Variants in CCDC148 observed in about 807,000 individuals in gnomAD.
CCDC148 encodes the protein coiled-coil domain containing 148, also known as coiled-coil domain-containing protein 148.
A neutral mutation model predicts 85.7 loss-of-function variants in CCDC148; 89 were observed. That is an observed-to-expected ratio of 1.04 (90% CI 0.87 to 1.24). The LOEUF (loss-of-function observed/expected upper bound fraction) is 1.24, where lower values mean the gene tolerates loss of function less well. Ranked by LOEUF, CCDC148 falls within the 50% of genes most tolerant of loss-of-function variation. The pLI is 0.00. For synonymous variants in CCDC148, 230 were observed against 213.9 expected (o/e 1.08, Z -0.66); for missense variants, 692 against 671.7 (o/e 1.03, Z -0.33).
At chr2:158,375,463 G>A (rs559256667) in intron 1 of CCDC148, among the ~76,000 whole-genome samples, 64 of 152,174 alleles carry the variant, frequency 4.2e-4, no homozygotes, top group Non-Finnish European at 6.3e-4. Context: ...GAAAGCGAAG[G>A]CCACAAGCAA....
intron 9 of CCDC148, among the ~76,000 whole-genome samples, chr2:158,293,616 A>G (rs1233944927): frequency 6.6e-6 from 1 of 152,152 alleles, no homozygotes; most frequent in Non-Finnish European, 1.5e-5. Flanking sequence ...TTAGCCCTCC[A>G]GGAGAACTAT....
At chr2:158,333,599 C>G (rs914756700) in intron 7 of CCDC148, among the ~76,000 whole-genome samples, 3 of 152,042 alleles carry the variant, frequency 2.0e-5, no homozygotes, top group Non-Finnish European at 4.4e-5. Flanking sequence ...GTTGATCTTT[C>G]TAATATTGAC....
intron 1 of CCDC148, among the ~76,000 whole-genome samples, chr2:158,418,870 T>C (rs1400088075): frequency 6.6e-6 from 1 of 152,148 alleles, no homozygotes; most frequent in East Asian, 1.9e-4. Flanking sequence ...AATGAGTGAA[T>C]CAATGAGTGA....
chr2:158,405,347 G>T (rs1685953278), intron 1 of CCDC148, among the ~76,000 whole-genome samples: 1 of 152,074 alleles, frequency 6.6e-6, no homozygotes. Flanking sequence ...ATAATACAGG[G>T]TTTAAATACA....
chr2:158,455,609 G>T (rs190036655), intron 1 of CCDC148, among the ~76,000 whole-genome samples: 112 of 121,350 alleles, frequency 9.2e-4, no homozygotes, highest in Admixed American at 1.5e-3. Flanking sequence ...ACACAATATG[G>T]TCCCTCCAAT....
At chr2:158,309,665 C>T (rs778223692) in intron 8 of CCDC148, 26 bp from the exon 9 acceptor site, 1 of 1,469,530 alleles carries the variant, frequency 6.8e-7, no homozygotes, top group Admixed American at 1.9e-5. Flanking sequence ...AGGGTGAATA[C>T]TTATCATTAT....
At chr2:158,327,806 G>A (rs932267882) in intron 7 of CCDC148, among the ~76,000 whole-genome samples, 2 of 151,992 alleles carry the variant, frequency 1.3e-5, no homozygotes, top group Non-Finnish European at 2.9e-5. Context: ...CAAGTTTTAT[G>A]TCCTTCAGCA....
chr2:158,311,297 C>A (rs1337264857), intron 8 of CCDC148, among the ~76,000 whole-genome samples: 1 of 152,240 alleles, frequency 6.6e-6, no homozygotes, highest in Non-Finnish European at 1.5e-5. Context: ...CGGCGAAACC[C>A]CGTCTCCACC....
chr2:158,359,873 C>A (rs1420319476), intron 1 of CCDC148, among the ~76,000 whole-genome samples: 1 of 152,174 alleles, frequency 6.6e-6, no homozygotes, highest in African/African-American at 2.4e-5. Context: ...GCCAAGTGAT[C>A]TAGCTCTGTG....
At chr2:158,362,707 G>C (rs1436803414) in intron 1 of CCDC148, among the ~76,000 whole-genome samples, 1 of 152,134 alleles carries the variant, frequency 6.6e-6, no homozygotes, top group East Asian at 1.9e-4. Flanking sequence ...ATGCCCACAA[G>C]AGAAAGCATG....
chr2:158,227,971 A>C (rs960386308), intron 10 of CCDC148, among the ~76,000 whole-genome samples: 1 of 152,094 alleles, frequency 6.6e-6, no homozygotes, highest in African/African-American at 2.4e-5. Context: ...TCTAATTAAA[A>C]TAAAGAGCTT....
chr2:158,182,803 T>G (rs563880022), intron 11 of CCDC148, among the ~76,000 whole-genome samples: 1 of 152,118 alleles, frequency 6.6e-6, no homozygotes, highest in East Asian at 1.9e-4. Context: ...GGATAGAAAA[T>G]TTTCTTTGCC....
chr2:158,302,088 T>G (rs779178757), intron 9 of CCDC148, among the ~76,000 whole-genome samples: 1 of 151,948 alleles, frequency 6.6e-6, no homozygotes, highest in Non-Finnish European at 1.5e-5. Flanking sequence ...TCTAAAGTAG[T>G]TGGGGGGGTC....
At chr2:158,427,667 C>T (rs539821452) in intron 1 of CCDC148, among the ~76,000 whole-genome samples, 3 of 151,924 alleles carry the variant, frequency 2.0e-5, no homozygotes, top group Admixed American at 6.6e-5. Flanking sequence ...CTCAGGAGTT[C>T]GAGACCAGCC....
At chr2:158,173,766 C>T (rs190824887) in intron 13 of CCDC148, among the ~76,000 whole-genome samples, 148 of 152,196 alleles carry the variant, frequency 9.7e-4, no homozygotes, top group Middle Eastern at 6.8e-3. Flanking sequence ...TCAATGTCTT[C>T]TCCCTGGTCT....
chr2:158,232,860 G>A (rs571487727), intron 10 of CCDC148, among the ~76,000 whole-genome samples: 15 of 152,210 alleles, frequency 9.9e-5, no homozygotes, highest in African/African-American at 3.6e-4. Context: ...TTAGAGGCTG[G>A]GAAGGGTAAG....
intron 1 of CCDC148, among the ~76,000 whole-genome samples, chr2:158,437,921 C>T (rs372534845): frequency 4.3e-4 from 65 of 152,128 alleles, no homozygotes; most frequent in Admixed American, 6.5e-4. Context: ...TTACAAGGGA[C>T]GTGAAGGACC....
chr2:158,438,373 G>A (rs998610999), intron 1 of CCDC148, among the ~76,000 whole-genome samples: 5 of 152,152 alleles, frequency 3.3e-5, no homozygotes, highest in African/African-American at 1.2e-4. Flanking sequence ...AAGAAATGGG[G>A]AAATGATTCC....
chr2:158,193,323 C>A (rs1428457197), intron 11 of CCDC148, among the ~76,000 whole-genome samples: 2 of 152,080 alleles, frequency 1.3e-5, no homozygotes, highest in Non-Finnish European at 2.9e-5. Context: ...TAATTGTGAA[C>A]AGAGACAAAC....
Sources: allele counts gnomAD v4.1 joint callset (sites outside exome capture counted in the v4.1 genomes callset), GRCh38; gene constraint gnomAD v4.1.1; transcripts MANE v1.5; gene names NCBI Gene and HGNC (gene_info 2026-07-23, HGNC 2026-07-21).